PHTF2: variants seen among roughly 807,000 people sequenced by gnomAD.
PHTF2 encodes the protein protein PHTF2.
A neutral mutation model predicts 101.2 loss-of-function variants in PHTF2; 60 were observed. The observed-to-expected ratio is 0.59, with a 90% CI of 0.48 to 0.73. The LOEUF (loss-of-function observed/expected upper bound fraction) is 0.73. PHTF2 is among the 30% of genes least tolerant of loss of function. PHTF2 has a pLI of 0.00. For synonymous variants in PHTF2, 311 were observed against 307.3 expected (o/e 1.01, Z -0.13); for missense variants, 747 against 908.7 (o/e 0.82, Z 2.29).
chr7:77,861,500 AT>A (rs1436886874), intron 3 of PHTF2, among the ~76,000 whole-genome samples: 1 of 151,912 alleles, frequency 6.6e-6, no homozygotes, highest in African/African-American at 2.4e-5. Context: ...ATTTTCTAAT[AT>A]TTTCCTGATT....
intron 3 of PHTF2, among the ~76,000 whole-genome samples, chr7:77,871,660 G>A (rs2150716804): frequency 7.0e-6 from 1 of 143,062 alleles, no homozygotes; most frequent in Admixed American, 7.0e-5. Flanking sequence ...CATACACTTT[G>A]CCCCAGCCCT....
rs1435649741 is a variant in PHTF2, at chr7:77,805,463, T to C, written c.-36+6492T>C. 2.0e-5 allele frequency among the ~76,000 whole-genome samples: 3 copies of C among 152,372 alleles called. No homozygotes were observed. In the East Asian group the frequency reaches 5.8e-4, roughly 29 times the overall value. On this transcript the variant is annotated intron_variant, in intron 1 of 19. Coordinates refer to ENST00000416283, the Ensembl canonical transcript of PHTF2. ...ACTGTTTATTTTGCATTTTATTTGC[T>C]CTTGATTTGCTAGAATCTTAAGTTG...
At chr7:77,829,157 G>C (rs542670224) in intron 1 of PHTF2, among the ~76,000 whole-genome samples, 1 of 152,316 alleles carries the variant, frequency 6.6e-6, no homozygotes, top group East Asian at 1.9e-4. Flanking sequence ...CTCCAGCCTA[G>C]GTGGCAGAGT....
chr7:77,856,104 G>A (rs1393102943), intron 3 of PHTF2, among the ~76,000 whole-genome samples: 1 of 152,098 alleles, frequency 6.6e-6, no homozygotes, highest in African/African-American at 2.4e-5. Flanking sequence ...TTTACCAGGT[G>A]TGATGTTGCA....
chr7:77,929,167 C>A (rs998131624), exon 12 of PHTF2: 3 of 1,613,914 alleles, frequency 1.9e-6, no homozygotes, highest in Non-Finnish European at 2.5e-6. Flanking sequence ...AGACAGGATT[C>A]TGAGAGTGCA....
intron 7 of PHTF2, among the ~76,000 whole-genome samples, chr7:77,905,831 G>A (rs1261333826): frequency 6.6e-6 from 1 of 152,140 alleles, no homozygotes; most frequent in Non-Finnish European, 1.5e-5. Flanking sequence ...AGTACGTGAA[G>A]TCCTGCCTTT....
chr7:77,799,695 C>G (rs1232740865), intron 1 of PHTF2, among the ~76,000 whole-genome samples: 1 of 152,218 alleles, frequency 6.6e-6, no homozygotes, highest in Non-Finnish European at 1.5e-5. Context: ...CTCAGCACCT[C>G]CTTGTGTAAC....
chr7:77,938,014 C>T, intron 13 of PHTF2, 176 bp downstream of exon 12: 1 of 271,638 alleles, frequency 3.7e-6, no homozygotes, highest in Non-Finnish European at 6.9e-6. Flanking sequence ...TGTCACCAAA[C>T]CACTCTCATC....
chr7:77,865,743 G>C (rs1798004111), intron 3 of PHTF2, among the ~76,000 whole-genome samples: 1 of 152,098 alleles, frequency 6.6e-6, no homozygotes, highest in African/African-American at 2.4e-5. Context: ...TCAGGAGACA[G>C]TATTTATATT....
chr7:77,925,144 T>C (rs538220521), intron 11 of PHTF2, among the ~76,000 whole-genome samples: 1 of 152,334 alleles, frequency 6.6e-6, no homozygotes, highest in African/African-American at 2.4e-5. Flanking sequence ...AACCATGGGC[T>C]TGGAGTTAGA....
chr7:77,818,183 T>G (rs979794995), intron 1 of PHTF2, among the ~76,000 whole-genome samples: 3 of 152,232 alleles, frequency 2.0e-5, no homozygotes, highest in African/African-American at 7.2e-5. Context: ...ATGAATAGTT[T>G]GCAAATATTT....
exon 20 of PHTF2, chr7:77,956,586 G>T (rs1391842893): frequency 6.6e-6 from 1 of 152,482 alleles, no homozygotes. Flanking sequence ...GAAAACTTAG[G>T]CTTTGTCTGA....
chr7:77,823,774 G>C (rs911984807), intron 1 of PHTF2, among the ~76,000 whole-genome samples: 4 of 152,104 alleles, frequency 2.6e-5, no homozygotes, highest in Non-Finnish European at 5.9e-5. Context: ...GGGGAGGGCG[G>C]GTAATTGAAA....
intron 3 of PHTF2, among the ~76,000 whole-genome samples, chr7:77,857,144 T>C (rs1760602140): frequency 6.6e-6 from 1 of 152,210 alleles, no homozygotes; most frequent in Admixed American, 6.5e-5. Context: ...CGCAGTGACC[T>C]AAGCTGTCCT....
At chr7:77,896,165 T>C (rs1177838540) in intron 5 of PHTF2, among the ~76,000 whole-genome samples, 3 of 152,228 alleles carry the variant, frequency 2.0e-5, no homozygotes, top group African/African-American at 4.8e-5. Flanking sequence ...TTTTTGTTTG[T>C]ACAAAGTCAT....
intron 2 of PHTF2, among the ~76,000 whole-genome samples, chr7:77,853,636 C>T (rs577738408): frequency 3.3e-5 from 5 of 152,190 alleles, no homozygotes; most frequent in Admixed American, 2.6e-4. Flanking sequence ...TCAAGCAATT[C>T]GCCTACCTCG....
intron 1 of PHTF2, among the ~76,000 whole-genome samples, chr7:77,827,239 A>G (rs941542075): frequency 3.3e-5 from 5 of 152,188 alleles, no homozygotes; most frequent in Non-Finnish European, 5.9e-5. Flanking sequence ...AAATGTTAGG[A>G]GGAACTTTTA....
chr7:77,902,643 A>G (rs115845982), intron 7 of PHTF2, among the ~76,000 whole-genome samples: 2,652 of 152,228 alleles, frequency 0.017, 30 homozygotes, highest in African/African-American at 0.021. Context: ...AGAAGAAACT[A>G]TTCATATTCC....
At chr7:77,824,851 A>G (rs1041887074) in intron 1 of PHTF2, among the ~76,000 whole-genome samples, 2 of 151,806 alleles carry the variant, frequency 1.3e-5, no homozygotes, top group Non-Finnish European at 2.9e-5. Flanking sequence ...TGGACAACAT[A>G]GCAAGACCCC....
Sources: gnomAD v4.1 joint callset for allele counts (sites outside exome capture counted in the v4.1 genomes callset) on GRCh38, gnomAD v4.1.1 for gene constraint, MANE v1.5 for transcripts, NCBI Gene and HGNC (gene_info 2026-07-23, HGNC 2026-07-21) for gene names.